Variants in STAU2 observed in about 807,000 individuals in gnomAD.
The protein encoded by STAU2 is staufen double-stranded RNA binding protein 2.
A neutral mutation model predicts 65.9 loss-of-function variants in STAU2; 20 were observed. The observed-to-expected ratio is 0.30, with a 90% CI of 0.21 to 0.44. STAU2 has a LOEUF of 0.44. STAU2 is among the 20% of genes least tolerant of loss of function. STAU2 has a pLI of 1.00. For synonymous variants in STAU2, 232 were observed against 233.9 expected (o/e 0.99, Z 0.07); for missense variants, 558 against 683.9 (o/e 0.82, Z 2.05).
chr8:73,727,965 A>G (rs1323058126), intron 3 of STAU2: 2 of 152,168 alleles, frequency 1.3e-5, no homozygotes, highest in Admixed American at 6.5e-5. Context: ...CCTGATCACT[A>G]ATGATGTTGA....
Position 73,421,166 on chromosome 8 carries a change from C to A in STAU2, c.*206G>T. Reference sequence around the variant, plus strand: ...AGGCAAATGAGTTATGATCTGATCTCGAGTTCCAAGGGAAATGCTCAAAGT... The same window carrying A: ...AGGCAAATGAGTTATGATCTGATCTAGAGTTCCAAGGGAAATGCTCAAAGT... On this transcript the variant is annotated 3_prime_UTR_variant, in exon 15 of 15. Coordinates refer to ENST00000524300, the MANE Select transcript of STAU2 (RefSeq NM_001164380.2). 1.9e-6 allele frequency: 1 copy of A among 519,994 alleles called. No individual in the cohort carries two copies. The highest frequency in any genetic ancestry group is 3.6e-5 in the Admixed American group (1 of 27,726). The allele number at this position is 519,994 out of a possible 1,614,324, so 32.2% of individuals were successfully genotyped here. A position where few individuals can be genotyped will look rare whatever the true frequency, so the allele number is the denominator to read the frequency against.
intron 13 of STAU2, among the ~76,000 whole-genome samples, chr8:73,514,607 C>T (rs553198982): frequency 6.6e-6 from 1 of 152,292 alleles, no homozygotes; most frequent in South Asian, 2.1e-4. Flanking sequence ...AATTTTTGGT[C>T]CATCAACTCC....
At chr8:73,439,338 T>G (rs1473178867) in intron 13 of STAU2, 2 of 287,782 alleles carry the variant, frequency 6.9e-6, no homozygotes, top group Admixed American at 4.8e-5. Flanking sequence ...AAGATTTGAC[T>G]GGGCATGGTG....
chr8:73,747,173 C>T (rs1807348206), upstream of STAU2: 2 of 528,910 alleles, frequency 3.8e-6, no homozygotes, highest in Non-Finnish European at 6.4e-6. Flanking sequence ...AGGGCCATTC[C>T]CGGGGGGCTT....
intron 13 of STAU2, among the ~76,000 whole-genome samples, chr8:73,519,185 C>T (rs1215561546): frequency 6.6e-6 from 1 of 152,180 alleles, no homozygotes; most frequent in East Asian, 1.9e-4. Flanking sequence ...AGTTCAAAAC[C>T]TGCACTGAAT....
At chr8:73,557,942 C>T (rs909800777) in intron 12 of STAU2, among the ~76,000 whole-genome samples, 11 of 152,160 alleles carry the variant, frequency 7.2e-5, no homozygotes, top group South Asian at 2.1e-4. Context: ...TAGTACTTTA[C>T]TTCTCATTTA....
At chr8:73,635,908 C>CCACA (rs756554962) in intron 6 of STAU2, among the ~76,000 whole-genome samples, 196 of 74,934 alleles carry the variant, frequency 2.6e-3, no homozygotes, top group South Asian at 0.023. Flanking sequence ...GACCCCTGAA[C>CCACA]CACACACACA....
intron 8 of STAU2, among the ~76,000 whole-genome samples, chr8:73,614,183 A>G (rs1451997660): frequency 6.6e-6 from 1 of 152,208 alleles, no homozygotes; most frequent in Non-Finnish European, 1.5e-5. Flanking sequence ...TTCATAGTCA[A>G]AATGATTTAT....
chr8:73,744,419 A>T (rs1807130489), intron 1 of STAU2, among the ~76,000 whole-genome samples: 1 of 151,720 alleles, frequency 6.6e-6, no homozygotes, highest in Non-Finnish European at 1.5e-5. Flanking sequence ...ATAAATGATC[A>T]GATTCCCAGC....
rs1164375714 is a variant in STAU2, at chr8:73,741,509, CT to C, written c.-196-1642del. On this transcript the variant is annotated intron_variant, in intron 1 of 14. Transcript: ENST00000524300. ...GGGGTACCTTTTTGAAAGTTCTAAC[CT>C]TTTTTTTTTTCTTTTTTTTTGAGAC... 5.0e-3 allele frequency among the ~76,000 whole-genome samples: 732 copies of C among 144,966 alleles called. 2 individuals are homozygous for C. Among genetic ancestry groups the C allele is most frequent in the African/African-American group, 7.3e-3 (288 of 39,572 alleles).
chr8:73,696,457 A>C (rs900506655), intron 4 of STAU2, among the ~76,000 whole-genome samples: 3 of 152,258 alleles, frequency 2.0e-5, no homozygotes, highest in Non-Finnish European at 4.4e-5. Context: ...AATTCAAAAT[A>C]GCTGTTTTGA....
chr8:73,426,615 C>T (rs2128880000), intron 13 of STAU2, among the ~76,000 whole-genome samples: 1 of 152,314 alleles, frequency 6.6e-6, no homozygotes. Flanking sequence ...CAGTTTCATC[C>T]ACATGGCCAT....
At chr8:73,452,392 A>G (rs1182534424) in intron 13 of STAU2, among the ~76,000 whole-genome samples, 2 of 152,206 alleles carry the variant, frequency 1.3e-5, no homozygotes, top group Non-Finnish European at 2.9e-5. Context: ...CCAGTGCTGG[A>G]GAAGCCCTGT....
At chr8:73,518,570 T>C (rs950255505) in intron 13 of STAU2, among the ~76,000 whole-genome samples, 24 of 152,198 alleles carry the variant, frequency 1.6e-4, no homozygotes, top group Non-Finnish European at 5.9e-5. Context: ...TTCCATATAA[T>C]TTTCACATGT....
intron 13 of STAU2, among the ~76,000 whole-genome samples, chr8:73,457,864 G>A (rs1240391615): frequency 6.6e-6 from 1 of 152,198 alleles, no homozygotes; most frequent in Non-Finnish European, 1.5e-5. Flanking sequence ...ATACTCCCTT[G>A]TTGCACTGGG....
At chr8:73,658,957 C>A (rs1290000804) in intron 6 of STAU2, among the ~76,000 whole-genome samples, 11 of 144,248 alleles carry the variant, frequency 7.6e-5, no homozygotes, top group Non-Finnish European at 9.2e-5. Context: ...AAAAAAAAAC[C>A]AACCATACTT....
intron 13 of STAU2, among the ~76,000 whole-genome samples, chr8:73,427,246 G>A (rs1816894596): frequency 6.6e-6 from 1 of 152,090 alleles, no homozygotes; most frequent in African/African-American, 2.4e-5. Context: ...GTTAATATGA[G>A]CTCTCTATCC....
At chr8:73,696,466 G>T (rs1315079309) in intron 4 of STAU2, among the ~76,000 whole-genome samples, 4 of 152,214 alleles carry the variant, frequency 2.6e-5, no homozygotes. Context: ...TAGCTGTTTT[G>T]AGGAAACTCA....
intron 12 of STAU2, among the ~76,000 whole-genome samples, chr8:73,562,304 A>G (rs1241866200): frequency 6.6e-6 from 1 of 152,146 alleles, no homozygotes; most frequent in Admixed American, 6.5e-5. Flanking sequence ...TGGGCTATAC[A>G]GCAAGGTGCT....
Sources: gnomAD v4.1 joint callset for allele counts (sites outside exome capture counted in the v4.1 genomes callset) on GRCh38, gnomAD v4.1.1 for gene constraint, MANE v1.5 for transcripts, NCBI Gene and HGNC (gene_info 2026-07-23, HGNC 2026-07-21) for gene names.